RELB: variants seen among roughly 807,000 people sequenced by gnomAD.
The protein encoded by RELB is transcription factor RelB.
In RELB, 14 loss-of-function variants were observed where a neutral mutation model predicts 55.4. The ratio of observed to expected loss-of-function variants is 0.25; its 90% CI spans 0.17 to 0.40. The LOEUF (loss-of-function observed/expected upper bound fraction) is 0.40, where lower values mean the gene tolerates loss of function less well. Among genes scored for constraint, RELB ranks in the 10% least tolerant of loss-of-function variants. The pLI is 1.00. For missense variants in RELB, 669 were observed against 830.7 expected (o/e 0.81, Z 2.39); for synonymous variants, 409 against 371.3 (o/e 1.10, Z -1.17).
At position 45,012,224 on chromosome 19, in the gene RELB, G is replaced by A; in HGVS notation, c.452G>A (p.Ser151Asn). 1.3e-6 allele frequency: 2 copies of A among 1,490,450 alleles called. No individual in the cohort carries two copies. Among genetic ancestry groups the A allele is most frequent in the Non-Finnish European group, 8.8e-7 (1 of 1,135,226 alleles). 92.3% of individuals were successfully genotyped at this position (1,490,450 alleles called of 1,614,324 possible). A position where few individuals can be genotyped will look rare whatever the true frequency, so the allele number is the denominator to read the frequency against. ...GAGTGCGAGGGCCGCTCGGCCGGCA[G>A]CATCCTTGGGGAGAGCAGCACCGAG... Reference protein sequence around the residue: ...RYECEGRSAGSILGESSTEAS... With the variant: ...RYECEGRSAGNILGESSTEAS... Residue 151 changes from serine (S) to asparagine (N), a missense_variant, in exon 4 of 12, where the codon AGC becomes AAC. Transcript: ENST00000221452.
intron 2 of RELB, among the ~76,000 whole-genome samples, chr19:45,006,857 A>G (rs1971288228): frequency 6.7e-6 from 1 of 150,004 alleles, no homozygotes; most frequent in African/African-American, 2.4e-5. Context: ...CAGGAGGCTG[A>G]GGCAGGAGAA....
chr19:45,020,306 T>G (rs1372950806), intron 4 of RELB, among the ~76,000 whole-genome samples: 3 of 149,664 alleles, frequency 2.0e-5, no homozygotes, highest in African/African-American at 7.4e-5. Flanking sequence ...TCATTGCAAC[T>G]TCCACGTCTC....
At chr19:45,028,395 G>A (rs1971582757) in intron 7 of RELB, among the ~76,000 whole-genome samples, 1 of 152,004 alleles carries the variant, frequency 6.6e-6, no homozygotes, top group East Asian at 1.9e-4. Context: ...CCTCTGTCAC[G>A]ATGGAGTGCA....
Position 45,012,231 on chromosome 19 carries a change from T to C in RELB, c.459T>C (p.Leu153=), listed in dbSNP as rs1157626563. 1 of 1,478,924 alleles carries C rather than the reference T, an allele frequency of 6.8e-7. No homozygotes were observed. Among genetic ancestry groups the C allele is most frequent in the Non-Finnish European group, 8.8e-7 (1 of 1,129,970 alleles). 91.6% of individuals were successfully genotyped at this position (1,478,924 alleles called of 1,614,324 possible). The stretch of plus-strand genomic sequence containing the variant: ...AGGGCCGCTCGGCCGGCAGCATCCT[T>C]GGGGAGAGCAGCACCGAGGCCAGCA... The part of the protein sequence containing the change: ...ECEGRSAGSI[L]GESSTEASKT... Residue 153 remains leucine (L), a synonymous_variant, in exon 4 of 12, where the codon CTT becomes CTC. Coordinates refer to ENST00000221452, the MANE Select transcript of RELB (RefSeq NM_006509.4).
At chr19:45,011,566 C>T (rs758890834) in intron 3 of RELB, among the ~76,000 whole-genome samples, 1 of 152,080 alleles carries the variant, frequency 6.6e-6, no homozygotes, top group Admixed American at 6.6e-5. Flanking sequence ...AAGCTGTTCT[C>T]CTGCCTCAGC....
At chr19:45,021,576 T>TC (rs1376126453) in intron 4 of RELB, among the ~76,000 whole-genome samples, 1 of 136,782 alleles carries the variant, frequency 7.3e-6, no homozygotes, top group Non-Finnish European at 1.6e-5. Flanking sequence ...AAGTGGCCTT[T>TC]TTTTTTTTTT....
intron 3 of RELB, among the ~76,000 whole-genome samples, chr19:45,010,369 AC>A (rs1971335770): frequency 9.1e-6 from 1 of 109,832 alleles, no homozygotes. Flanking sequence ...GTGAGTACAG[AC>A]AGACACTGTT....
At chr19:45,024,698 C>T (rs895525876) in intron 5 of RELB, among the ~76,000 whole-genome samples, 3 of 151,108 alleles carry the variant, frequency 2.0e-5, no homozygotes, top group Admixed American at 6.6e-5. Flanking sequence ...TACAGGTGTG[C>T]GCCACCACAC....
At position 45,031,662 on chromosome 19, in the gene RELB, G is replaced by A. The variant is rs1362954069; in HGVS notation, c.992-872G>A. Among the ~76,000 whole-genome samples, 6 of 151,956 alleles carry A rather than the reference G, an allele frequency of 3.9e-5. No individual in the cohort carries two copies. In the East Asian group the frequency reaches 1.2e-3, roughly 30 times the overall value. On this transcript the variant is annotated intron_variant, in intron 8 of 11. Coordinates refer to ENST00000221452, the MANE Select transcript of RELB (RefSeq NM_006509.4). ...GCGATCTTGGCTCACTGCAAGCTCC[G>A]CCTCCCGGGTTCACGCCATTCTCCT...
chr19:45,022,107 A>G lies in RELB; in HGVS notation c.559A>G (p.Lys187Glu). The change falls in exon 5 of 12, where the codon AAG becomes GAG. Residue 187 changes from lysine (K) to glutamate (E), a missense_variant. Coordinates refer to ENST00000221452, the MANE Select transcript of RELB (RefSeq NM_006509.4). The part of the protein sequence containing the change: ...EVEVTACLVW[K>E]DWPHRVHPHS... Reference sequence around the variant, plus strand: ...GGAGGTGACTGCCTGCCTGGTGTGGAAGGACTGGCCTCACCGAGTCCACCC... The same window carrying G: ...GGAGGTGACTGCCTGCCTGGTGTGGGAGGACTGGCCTCACCGAGTCCACCC... 1 of 1,613,488 alleles carries G rather than the reference A, an allele frequency of 6.2e-7. No homozygotes were observed. Among genetic ancestry groups the G allele is most frequent in the Non-Finnish European group, 8.5e-7 (1 of 1,179,714 alleles).
intron 3 of RELB, among the ~76,000 whole-genome samples, chr19:45,010,105 G>T (rs958841051): frequency 2.0e-5 from 3 of 150,686 alleles, no homozygotes; most frequent in African/African-American, 7.3e-5. Context: ...TTCAGGACTA[G>T]CCTGGGTAAC....
intron 4 of RELB, among the ~76,000 whole-genome samples, chr19:45,019,959 C>T (rs532441204): frequency 1.4e-4 from 21 of 151,960 alleles, no homozygotes; most frequent in African/African-American, 4.8e-4. Flanking sequence ...CTCAGGTGAT[C>T]CACCCACCTC....
intron 2 of RELB, among the ~76,000 whole-genome samples, chr19:45,007,822 T>C (rs1971300548): frequency 6.8e-6 from 1 of 146,178 alleles, no homozygotes; most frequent in Admixed American, 6.9e-5. Flanking sequence ...TGCACCACAC[T>C]GTACTCCAGC....
At chr19:45,010,886 G>A (rs1028557899) in intron 3 of RELB, among the ~76,000 whole-genome samples, 5 of 150,220 alleles carry the variant, frequency 3.3e-5, no homozygotes, top group South Asian at 2.1e-4. Context: ...ATGGAATTTC[G>A]CTCTTGTTGC....
intron 4 of RELB, among the ~76,000 whole-genome samples, chr19:45,016,112 G>T (rs1971418784): frequency 6.6e-6 from 1 of 151,828 alleles, no homozygotes; most frequent in African/African-American, 2.4e-5. Flanking sequence ...AGCCTCCCGG[G>T]TAGCTGAGAT....
rs376379796 is a variant in RELB, at chr19:45,037,417, C to G, written c.1367C>G (p.Pro456Arg). Residue 456 changes from proline (P) to arginine (R), a missense_variant, in exon 12 of 12, where the codon CCG becomes CGG. By Grantham distance (103) the Pro-to-Arg change is moderately radical. Coordinates refer to ENST00000221452, the MANE Select transcript of RELB (RefSeq NM_006509.4). The stretch of plus-strand genomic sequence containing the variant: ...TTCATCCCCGTAGGCCCGTTCCTCC[C>G]GCCGTCAGCCCTGCTGCCAGACCCT... ...LPNHGSGPFL[P>R]PSALLPDPDF... 1.9e-6 allele frequency: 3 copies of G among 1,576,454 alleles called. No individual in the cohort carries two copies. Among genetic ancestry groups the G allele is most frequent in the Non-Finnish European group, 2.6e-6 (3 of 1,167,700 alleles).
At chr19:45,021,456 CAAAAAAA>C (rs527934701) in intron 4 of RELB, among the ~76,000 whole-genome samples, 3 of 68,958 alleles carry the variant, frequency 4.4e-5, no homozygotes, top group African/African-American at 1.3e-4. Flanking sequence ...GACTCCATCT[CAAAAAAA>C]AAAAAAAAAA....
Position 45,037,872 on chromosome 19 carries a change from C to G in RELB, c.*82C>G. ...ATCCCAACCAGGATGTCTAGCACCC[C>G]CATCCCCTTGGCCCTTCCTCATGCT... On this transcript the variant is annotated 3_prime_UTR_variant, in exon 12 of 12. Coordinates refer to ENST00000221452, the MANE Select transcript of RELB (RefSeq NM_006509.4). 1 of 1,358,400 alleles carries G rather than the reference C, an allele frequency of 7.4e-7. No homozygotes were observed. Among genetic ancestry groups the G allele is most frequent in the Non-Finnish European group, 9.7e-7 (1 of 1,030,120 alleles). 84.1% of individuals were successfully genotyped at this position (1,358,400 alleles called of 1,614,324 possible). A position where few individuals can be genotyped will look rare whatever the true frequency, so the allele number is the denominator to read the frequency against.
rs1971366561 is a variant in RELB, at chr19:45,012,060, C to A, written c.288C>A (p.Gly96=). The change falls in exon 4 of 12, where the codon GGC becomes GGA. Residue 96 remains glycine (G), a synonymous_variant. Transcript: ENST00000221452. ...GAASLSTVTL[G]PVAPPATPPP... ...CGTCCCTGAGCACGGTCACCCTGGGCCCTGTGGCGCCCCCAGCCACGCCGC... is the reference window on the plus strand; with the variant it reads ...CGTCCCTGAGCACGGTCACCCTGGGACCTGTGGCGCCCCCAGCCACGCCGC... The A allele has an allele frequency of 1.9e-6, 3 of 1,556,370 alleles. No individual in the cohort carries two copies. Among genetic ancestry groups the A allele is most frequent in the Non-Finnish European group, 2.6e-6 (3 of 1,155,454 alleles).
Sources: allele counts gnomAD v4.1 joint callset (sites outside exome capture counted in the v4.1 genomes callset), GRCh38; gene constraint gnomAD v4.1.1; transcripts MANE v1.5; gene names NCBI Gene and HGNC (gene_info 2026-07-23, HGNC 2026-07-21).